Variants in GALNT17 observed in about 807,000 individuals in gnomAD.
The protein encoded by GALNT17 is polypeptide N-acetylgalactosaminyltransferase 17.
In GALNT17, 29 loss-of-function variants were observed where a neutral mutation model predicts 63.7. That is an observed-to-expected ratio of 0.46 (90% confidence interval 0.34 to 0.62). The LOEUF is 0.62. Among genes scored for constraint, GALNT17 ranks in the 20% least tolerant of loss-of-function variants. The probability of loss-of-function intolerance (pLI) is 0.01; values close to 1 mark genes in which losing one functional copy is unlikely to be tolerated. For missense variants in GALNT17, 603 were observed against 799.6 expected (o/e 0.75, Z 2.97); for synonymous variants, 305 against 318.3 (o/e 0.96, Z 0.45).
intron 1 of GALNT17, among the ~76,000 whole-genome samples, chr7:71,326,546 C>G (rs1791708553): frequency 6.6e-6 from 1 of 152,194 alleles, no homozygotes; most frequent in African/African-American, 2.4e-5. Context: ...ACGTGTTCTT[C>G]TCTGCCACTT....
chr7:71,458,165 A>G (rs1787387549), intron 5 of GALNT17, among the ~76,000 whole-genome samples: 1 of 152,180 alleles, frequency 6.6e-6, no homozygotes. Context: ...CAGCCTGTGT[A>G]TGGAAGGATT....
intron 6 of GALNT17, among the ~76,000 whole-genome samples, chr7:71,600,482 C>T (rs951939369): frequency 1.3e-5 from 2 of 152,106 alleles, no homozygotes; most frequent in African/African-American, 2.4e-5. Context: ...TCATTCCCCA[C>T]GTGCCCGGTA....
intron 1 of GALNT17, among the ~76,000 whole-genome samples, chr7:71,262,177 T>C (rs1193913875): frequency 6.6e-6 from 1 of 152,176 alleles, no homozygotes; most frequent in Non-Finnish European, 1.5e-5. Context: ...AGTGGTGCGA[T>C]CATAGCTCAC....
intron 1 of GALNT17, among the ~76,000 whole-genome samples, chr7:71,168,575 A>C (rs1788488204): frequency 6.6e-6 from 1 of 152,114 alleles, no homozygotes; most frequent in Non-Finnish European, 1.5e-5. Context: ...CTATATCAAA[A>C]AAAAAAGAAA....
At chr7:71,661,648 A>T (rs1790908951) in intron 6 of GALNT17, among the ~76,000 whole-genome samples, 1 of 152,194 alleles carries the variant, frequency 6.6e-6, no homozygotes, top group Non-Finnish European at 1.5e-5. Context: ...TGTTGTGGGC[A>T]TCCAGGCCAG....
chr7:71,206,922 A>G (rs1636496), intron 1 of GALNT17, among the ~76,000 whole-genome samples: 75,400 of 151,762 alleles, frequency 0.5, 22,722 homozygotes, highest in African/African-American at 0.85. Flanking sequence ...TGGCTAATGC[A>G]GTGAAACCCC....
At chr7:71,425,188 G>T (rs901140723) in intron 5 of GALNT17, among the ~76,000 whole-genome samples, 1 of 152,064 alleles carries the variant, frequency 6.6e-6, no homozygotes, top group Admixed American at 6.6e-5. Context: ...GCTGTTCCCA[G>T]CTCTGCTTGG....
intron 5 of GALNT17, among the ~76,000 whole-genome samples, chr7:71,451,917 T>C (rs1379224935): frequency 6.6e-6 from 1 of 152,132 alleles, no homozygotes; most frequent in Admixed American, 6.6e-5. Flanking sequence ...TTTTTAAGAA[T>C]TAAAATTTTG....
intron 6 of GALNT17, among the ~76,000 whole-genome samples, chr7:71,632,320 T>C (rs562750414): frequency 4.1e-4 from 62 of 152,312 alleles, no homozygotes; most frequent in African/African-American, 1.3e-3. Context: ...CTGCCTGCCC[T>C]ATTTCAGGTT....
At chr7:71,401,365 G>A (rs1013964268) in intron 3 of GALNT17, among the ~76,000 whole-genome samples, 14 of 151,998 alleles carry the variant, frequency 9.2e-5, no homozygotes, top group African/African-American at 2.9e-4. Flanking sequence ...CCAAAGTGCT[G>A]GGATTACAGG....
intron 1 of GALNT17, among the ~76,000 whole-genome samples, chr7:71,187,006 T>G (rs755598420): frequency 6.6e-6 from 1 of 152,206 alleles, no homozygotes; most frequent in Non-Finnish European, 1.5e-5. Flanking sequence ...CTCTGGATTT[T>G]GTATTTAAAA....
chr7:71,158,285 G>A (rs1236294382), intron 1 of GALNT17, among the ~76,000 whole-genome samples: 1 of 151,780 alleles, frequency 6.6e-6, no homozygotes, highest in Non-Finnish European at 1.5e-5. Context: ...GGCCAAGGTA[G>A]TTGGCACTCC....
intron 6 of GALNT17, among the ~76,000 whole-genome samples, chr7:71,596,497 G>A (rs893616167): frequency 6.6e-6 from 1 of 152,078 alleles, no homozygotes; most frequent in Non-Finnish European, 1.5e-5. Flanking sequence ...GAGTACAGGT[G>A]TAGGAACTGC....
intron 1 of GALNT17, among the ~76,000 whole-genome samples, chr7:71,208,479 C>CT (rs1789315643): frequency 8.2e-6 from 1 of 121,326 alleles, no homozygotes; most frequent in South Asian, 2.7e-4. Flanking sequence ...GAGATAGGAT[C>CT]TCTCTCTGTT....
intron 1 of GALNT17, among the ~76,000 whole-genome samples, chr7:71,248,914 G>T (rs1302499320): frequency 6.6e-6 from 1 of 152,072 alleles, no homozygotes; most frequent in East Asian, 1.9e-4. Flanking sequence ...CCACCTCTTT[G>T]TACCATCTTC....
intron 6 of GALNT17, among the ~76,000 whole-genome samples, chr7:71,629,518 C>T (rs1423352475): frequency 1.3e-5 from 2 of 152,108 alleles, no homozygotes; most frequent in African/African-American, 2.4e-5. Context: ...GACAGGGTCT[C>T]GCTTTGTCAC....
intron 1 of GALNT17, among the ~76,000 whole-genome samples, chr7:71,180,228 C>T (rs1392494591): frequency 2.0e-5 from 3 of 151,890 alleles, no homozygotes; most frequent in South Asian, 2.1e-4. Flanking sequence ...CGGGTTCAGT[C>T]GATTCTCCTG....
chr7:71,654,258 C>T (rs1022814368), intron 6 of GALNT17, among the ~76,000 whole-genome samples: 6 of 152,158 alleles, frequency 3.9e-5, no homozygotes, highest in South Asian at 2.1e-4. Flanking sequence ...GTGATCCGCC[C>T]GCCTCCAGCC....
chr7:71,661,513 C>T (rs4719161), intron 6 of GALNT17, among the ~76,000 whole-genome samples: 90,163 of 152,010 alleles, frequency 0.59, 27,141 homozygotes, highest in East Asian at 0.74. Context: ...CAAGAGGTGC[C>T]GCTAATGACA....
Sources: allele counts gnomAD v4.1 joint callset (sites outside exome capture counted in the v4.1 genomes callset), GRCh38; gene constraint gnomAD v4.1.1; transcripts MANE v1.5; gene names NCBI Gene and HGNC (gene_info 2026-07-23, HGNC 2026-07-21).